Variants in NR6A1 observed in about 807,000 individuals in gnomAD.
NR6A1 encodes retinoic acid receptor-related testis-associated receptor.
Under a neutral mutation model 59.1 loss-of-function variants are expected in NR6A1, and 7 were observed. The observed-to-expected ratio is 0.12, with a 90% confidence interval of 0.07 to 0.22. The LOEUF is 0.22. Ranked by LOEUF, NR6A1 falls within the 10% of genes least tolerant of loss-of-function variation. The pLI, the probability that NR6A1 is intolerant of heterozygous loss-of-function variation, is 1.00. For synonymous variants in NR6A1, 243 were observed against 236.1 expected, an observed-to-expected ratio of 1.03 and a Z score of -0.27; for missense variants, 468 against 611.6, an observed-to-expected ratio of 0.77 and a Z score of 2.48.
At chr9:124,588,522 A>G (rs898598798) in intron 2 of NR6A1, among the ~76,000 whole-genome samples, 1 of 150,416 alleles carries the variant, frequency 6.6e-6, no homozygotes, top group African/African-American at 2.4e-5. Flanking sequence ...GTTAGCCAGG[A>G]TGGTGTCGAT....
chr9:124,609,593 C>T (rs1054589041), intron 2 of NR6A1, among the ~76,000 whole-genome samples: 1 of 152,120 alleles, frequency 6.6e-6, no homozygotes, highest in Non-Finnish European at 1.5e-5. Flanking sequence ...GGTATATTGG[C>T]TCTTTCTTGG....
At chr9:124,762,651 G>A (rs1840813960) in intron 1 of NR6A1, among the ~76,000 whole-genome samples, 1 of 152,198 alleles carries the variant, frequency 6.6e-6, no homozygotes, top group Non-Finnish European at 1.5e-5. Context: ...TGAACTATGT[G>A]TAATCCGTTA....
chr9:124,589,309 G>A (rs941290913), intron 2 of NR6A1, among the ~76,000 whole-genome samples: 1 of 152,136 alleles, frequency 6.6e-6, no homozygotes, highest in Admixed American at 6.5e-5. Context: ...AGCCGGGCGC[G>A]GTGGCGGGCG....
intron 3 of NR6A1, among the ~76,000 whole-genome samples, chr9:124,553,007 T>C (rs1266123258): frequency 6.6e-6 from 1 of 152,224 alleles, no homozygotes; most frequent in African/African-American, 2.4e-5. Context: ...CCCTGAACAC[T>C]GCTGCTATGA....
intron 3 of NR6A1, 119 bp downstream of exon 3, chr9:124,554,209 G>A (rs1833866623): frequency 3.4e-6 from 5 of 1,487,796 alleles, no homozygotes; most frequent in Non-Finnish European, 3.6e-6. Flanking sequence ...TTGGTTATGA[G>A]TACAAACTAT....
At chr9:124,641,538 CA>C (rs929122747) in intron 2 of NR6A1, among the ~76,000 whole-genome samples, 5 of 150,020 alleles carry the variant, frequency 3.3e-5, no homozygotes, top group African/African-American at 1.2e-4. Context: ...TCCATCTCTA[CA>C]AAAAATAAAA....
Position 124,593,072 on chromosome 9 carries a change from C to T in NR6A1, c.143-38502G>A, listed in dbSNP as rs1588694429. Reference sequence around the variant, plus strand: ...GTTTTAAATATCACAATTTCATTGGCGGAACTGCTCACTTTCCCAAGCTCA... The same window carrying T: ...GTTTTAAATATCACAATTTCATTGGTGGAACTGCTCACTTTCCCAAGCTCA... On this transcript the variant is annotated intron_variant, in intron 2 of 9. Transcript: ENST00000487099. 2.6e-5 allele frequency among the ~76,000 whole-genome samples: 4 copies of T among 152,260 alleles called. No homozygotes were observed. In the South Asian group the frequency reaches 6.2e-4, roughly 24 times the overall value.
rs1832771931 is a variant in NR6A1 at position 124,520,233 on chromosome 9, C to T, written c.*2472G>A. ...TTTGCAATGCAACACATTCACTTTA[C>T]CCTGTTTAAAAAAAGCCCACGTCAT... On this transcript the variant is annotated 3_prime_UTR_variant, in exon 10 of 10. Transcript: ENST00000487099. 1 of 152,134 alleles carries T rather than the reference C, an allele frequency of 6.6e-6. No individual in the cohort carries two copies. Among genetic ancestry groups the T allele is most frequent in the South Asian group, 2.1e-4 (1 of 4,820 alleles). The allele number at this position is 152,134 out of a possible 1,614,324, so 9.4% of individuals were successfully genotyped here.
At position 124,520,117 on chromosome 9, in the gene NR6A1, C is replaced by CT. The variant is rs1038482952; in HGVS notation, c.*2587dup. 56 of 152,154 alleles carry CT rather than the reference C, an allele frequency of 3.7e-4. No individual in the cohort carries two copies. Among genetic ancestry groups the CT allele is most frequent in the African/African-American group, 1.2e-3 (48 of 41,490 alleles). The allele number at this position is 152,154 out of a possible 1,614,324, so 9.4% of individuals were successfully genotyped here. A position where few individuals can be genotyped will look rare whatever the true frequency, so the allele number is the denominator to read the frequency against. ...CTCCCCTCCAACCTTTCTCCGTGTCCTTCAAACCAAATTCACAAATACATC... is the reference window on the plus strand; with the variant it reads ...CTCCCCTCCAACCTTTCTCCGTGTCCTTTCAAACCAAATTCACAAATACATC... On this transcript the variant is annotated 3_prime_UTR_variant, in exon 10 of 10. Coordinates refer to ENST00000487099, the MANE Select transcript of NR6A1 (RefSeq NM_033334.4).
chr9:124,687,184 CA>C (rs1775743900), intron 2 of NR6A1, among the ~76,000 whole-genome samples: 1 of 151,760 alleles, frequency 6.6e-6, no homozygotes, highest in South Asian at 2.1e-4. Flanking sequence ...AGTGGCGGCA[CA>C]ATTAGAGCTC....
intron 2 of NR6A1, among the ~76,000 whole-genome samples, chr9:124,701,071 C>T (rs1425476836): frequency 6.6e-6 from 1 of 152,100 alleles, no homozygotes; most frequent in Non-Finnish European, 1.5e-5. Context: ...TACATACAGT[C>T]TTTGTATGGA....
At chr9:124,744,179 G>A (rs933459444) in intron 1 of NR6A1, among the ~76,000 whole-genome samples, 21 of 152,272 alleles carry the variant, frequency 1.4e-4, no homozygotes, top group African/African-American at 2.4e-4. Flanking sequence ...GGTTGAGGCC[G>A]CAGTGAGCCA....
rs149531332 is a variant in NR6A1, at chr9:124,679,641, A to G, written c.142+53667T>C. On this transcript the variant is annotated intron_variant, in intron 2 of 9. Transcript: ENST00000487099. The stretch of plus-strand genomic sequence containing the variant: ...CACAGTGGCTGATGCCTGTAATTCC[A>G]GCACTTTGAGAGGCCAAGGCAGTGG... 7.6e-4 allele frequency among the ~76,000 whole-genome samples: 116 copies of G among 152,286 alleles called. 1 individual carries two copies. Among genetic ancestry groups the G allele is most frequent in the African/African-American group, 2.7e-3 (113 of 41,546 alleles).
chr9:124,624,950 T>C (rs1836191820), intron 2 of NR6A1, among the ~76,000 whole-genome samples: 1 of 147,384 alleles, frequency 6.8e-6, no homozygotes, highest in Admixed American at 6.9e-5. Context: ...CAGGGCATCA[T>C]TAGAGTCATC....
intron 2 of NR6A1, among the ~76,000 whole-genome samples, chr9:124,678,464 G>T (rs1480835974): frequency 6.6e-6 from 1 of 152,220 alleles, no homozygotes; most frequent in Non-Finnish European, 1.5e-5. Context: ...CACTTCTGGG[G>T]ACAACTGGAG....
In NR6A1 at chr9:124,656,839, C is replaced by CA. The variant is rs572157573; in HGVS notation, c.142+76468dup. Among the ~76,000 whole-genome samples the CA allele has an allele frequency of 6.0e-4, 91 of 151,970 alleles. 1 individual carries two copies. In the South Asian group the frequency reaches 0.018, roughly 30 times the overall value. On this transcript the variant is annotated intron_variant, in intron 2 of 9. Coordinates refer to ENST00000487099, the MANE Select transcript of NR6A1 (RefSeq NM_033334.4). ...AAGAGTAAAATTCCGTCTCCAAAAA[C>CA]AAAAAACAAAAAATCAAAGAGAAAG...
At chr9:124,571,133 C>G (rs986580674) in intron 2 of NR6A1, among the ~76,000 whole-genome samples, 10 of 152,276 alleles carry the variant, frequency 6.6e-5, no homozygotes, top group Non-Finnish European at 1.2e-4. Context: ...GAAAGATTAT[C>G]TAGAAGAGGT....
At chr9:124,600,822 A>G (rs964206017) in intron 2 of NR6A1, among the ~76,000 whole-genome samples, 1 of 152,230 alleles carries the variant, frequency 6.6e-6, no homozygotes. Context: ...TGAACCTTGA[A>G]GTTCCACAGG....
At chr9:124,700,201 G>T (rs373402539) in intron 2 of NR6A1, among the ~76,000 whole-genome samples, 256 of 150,622 alleles carry the variant, frequency 1.7e-3, no homozygotes, top group African/African-American at 5.4e-3. Context: ...GCTTGAGTTT[G>T]GCTTTTTTTT....
Sources: allele counts gnomAD v4.1 joint callset (sites outside exome capture counted in the v4.1 genomes callset), GRCh38; gene constraint gnomAD v4.1.1; transcripts MANE v1.5; gene names NCBI Gene and HGNC (gene_info 2026-07-23, HGNC 2026-07-21).